KLHL29: variants seen among roughly 807,000 people sequenced by gnomAD.
The protein encoded by KLHL29 is kelch-like protein 29.
A neutral mutation model predicts 80.4 loss-of-function variants in KLHL29; 21 were observed. That is an observed-to-expected ratio of 0.26 (90% CI 0.19 to 0.38). The LOEUF is 0.38. Among genes scored for constraint, KLHL29 ranks in the 10% least tolerant of loss-of-function variants. The probability of loss-of-function intolerance (pLI) is 1.00; values close to 1 mark genes in which losing one functional copy is unlikely to be tolerated. For missense variants in KLHL29, 867 were observed against 1,223.9 expected (o/e 0.71, Z 4.35); for synonymous variants, 511 against 526.8 (o/e 0.97, Z 0.41).
intron 2 of KLHL29, among the ~76,000 whole-genome samples, chr2:23,546,547 C>T (rs1226063937): frequency 6.6e-6 from 1 of 152,136 alleles, no homozygotes; most frequent in East Asian, 1.9e-4. Context: ...CTAGACAGCC[C>T]CAGGGCCCGT....
At chr2:23,414,442 CAGTG>C (rs938200099) in intron 1 of KLHL29, among the ~76,000 whole-genome samples, 12 of 152,336 alleles carry the variant, frequency 7.9e-5, no homozygotes, top group Admixed American at 5.9e-4. Context: ...AATTAACAGA[CAGTG>C]AGTAGGAGAG....
intron 5 of KLHL29, among the ~76,000 whole-genome samples, chr2:23,653,779 C>A (rs1393176146): frequency 6.6e-6 from 1 of 152,152 alleles, no homozygotes; most frequent in Non-Finnish European, 1.5e-5. Flanking sequence ...CTCTCCTGGG[C>A]AGATTTCCAC....
chr2:23,615,550 C>G (rs913656505), intron 3 of KLHL29, among the ~76,000 whole-genome samples: 1 of 152,162 alleles, frequency 6.6e-6, no homozygotes, highest in Admixed American at 6.5e-5. Flanking sequence ...GTGAGCCGCA[C>G]TGCCTCTCAC....
intron 3 of KLHL29, among the ~76,000 whole-genome samples, chr2:23,585,163 T>A (rs1428843698): frequency 6.6e-6 from 1 of 152,220 alleles, no homozygotes; most frequent in South Asian, 2.1e-4. Context: ...TCTGTCGGCC[T>A]AATCTGCAAG....
chr2:23,651,975 T>C (rs570034152), intron 5 of KLHL29, among the ~76,000 whole-genome samples: 4 of 152,132 alleles, frequency 2.6e-5, no homozygotes, highest in East Asian at 1.9e-4. Context: ...TACAATCACA[T>C]TGGGGATTAG....
intron 3 of KLHL29, among the ~76,000 whole-genome samples, chr2:23,602,791 C>T (rs928422867): frequency 6.6e-6 from 1 of 151,976 alleles, no homozygotes; most frequent in Non-Finnish European, 1.5e-5. Context: ...GTCTGAATCC[C>T]GGGTCAAGGG....
intron 2 of KLHL29, among the ~76,000 whole-genome samples, chr2:23,550,376 G>C (rs1281056168): frequency 6.6e-6 from 1 of 152,150 alleles, no homozygotes; most frequent in African/African-American, 2.4e-5. Context: ...AGGCCCCCCA[G>C]GTCCCACTAG....
At chr2:23,640,253 A>G (rs1356337916) in intron 4 of KLHL29, among the ~76,000 whole-genome samples, 5 of 152,194 alleles carry the variant, frequency 3.3e-5, no homozygotes. Flanking sequence ...TGTTCCCTGC[A>G]GACCTGGTCT....
chr2:23,582,330 GA>G (rs1336845928), intron 3 of KLHL29, among the ~76,000 whole-genome samples: 1 of 152,126 alleles, frequency 6.6e-6, no homozygotes, highest in Admixed American at 6.5e-5. Flanking sequence ...AATAAAGTAG[GA>G]AAATGACAGA....
chr2:23,484,569 T>G (rs1339882276), intron 2 of KLHL29, among the ~76,000 whole-genome samples: 1 of 152,220 alleles, frequency 6.6e-6, no homozygotes, highest in Non-Finnish European at 1.5e-5. Flanking sequence ...CAGGCCCTTC[T>G]GGGATCAGCA....
chr2:23,596,154 G>C lies in KLHL29; in HGVS notation c.285+33673G>C, dbSNP rs991336040. On this transcript the variant is annotated intron_variant, in intron 3 of 13. Transcript: ENST00000486442. The surrounding 1 kb of genome is among the most constrained non-coding windows in gnomAD (Gnocchi z 4.4). ...AGCCGCATACAATAGAGCACCCTCGGCAGCCAGCCGGACGGGCAGGCCGGG... is the reference window on the plus strand; with the variant it reads ...AGCCGCATACAATAGAGCACCCTCGCCAGCCAGCCGGACGGGCAGGCCGGG... Among the ~76,000 whole-genome samples, 4 of 152,230 alleles carry C rather than the reference G, an allele frequency of 2.6e-5. No homozygotes were observed. Among genetic ancestry groups the C allele is most frequent in the African/African-American group, 9.7e-5 (4 of 41,450 alleles).
chr2:23,387,000 C>T (rs1448617940), intron 1 of KLHL29, among the ~76,000 whole-genome samples: 1 of 152,118 alleles, frequency 6.6e-6, no homozygotes, highest in East Asian at 1.9e-4. Context: ...TTGGCGGGCC[C>T]TCGCGCGGGC....
At chr2:23,475,193 G>T (rs912372210) in intron 1 of KLHL29, among the ~76,000 whole-genome samples, 1 of 152,092 alleles carries the variant, frequency 6.6e-6, no homozygotes, top group African/African-American at 2.4e-5. Context: ...GTTTGGATTA[G>T]ATGGAAGACA....
At chr2:23,498,633 G>A (rs962452639) in intron 2 of KLHL29, among the ~76,000 whole-genome samples, 2 of 152,214 alleles carry the variant, frequency 1.3e-5, no homozygotes, top group African/African-American at 4.8e-5. Flanking sequence ...GGAAGGTCGG[G>A]GCTTCCTTCC....
intron 6 of KLHL29, chr2:23,690,683 T>C (rs1671538384): frequency 6.6e-6 from 1 of 152,206 alleles, no homozygotes. Flanking sequence ...CGGGGCCGCC[T>C]CCGGACTCCT....
At chr2:23,438,479 C>T (rs1481208132) in intron 1 of KLHL29, among the ~76,000 whole-genome samples, 17 of 140,064 alleles carry the variant, frequency 1.2e-4, no homozygotes, top group African/African-American at 2.8e-4. Flanking sequence ...TTTTGAGATA[C>T]GTCCCATCAA....
chr2:23,439,182 C>G (rs1329846144), intron 1 of KLHL29, among the ~76,000 whole-genome samples: 1 of 150,958 alleles, frequency 6.6e-6, no homozygotes, highest in African/African-American at 2.4e-5. Context: ...TTTATCGTGT[C>G]TATTTGATTC....
intron 1 of KLHL29, among the ~76,000 whole-genome samples, chr2:23,460,423 G>C (rs1348993012): frequency 6.6e-6 from 1 of 152,142 alleles, no homozygotes; most frequent in East Asian, 1.9e-4. Flanking sequence ...ATGATGTAGG[G>C]GGGAAGGGAT....
chr2:23,688,339 T>A (rs1671371935), intron 6 of KLHL29, among the ~76,000 whole-genome samples: 1 of 152,148 alleles, frequency 6.6e-6, no homozygotes, highest in South Asian at 2.1e-4. Flanking sequence ...CCCATGCCTG[T>A]CCCTCACCCA....
Sources: allele counts gnomAD v4.1 joint callset (sites outside exome capture counted in the v4.1 genomes callset), GRCh38; gene constraint gnomAD v4.1.1; non-coding constraint Gnocchi (gnomAD v3.1); transcripts MANE v1.5; gene names NCBI Gene and HGNC (gene_info 2026-07-23, HGNC 2026-07-21).